Variants in GRID2 observed in about 807,000 individuals in gnomAD.
GRID2 encodes the protein glutamate receptor ionotropic, delta-2.
GRID2 carries 33 observed loss-of-function variants against 114.8 expected under a neutral mutation model. The observed-to-expected ratio is 0.29, with a 90% CI of 0.22 to 0.38. GRID2 has a LOEUF of 0.38. Among genes scored for constraint, GRID2 ranks in the 10% least tolerant of loss-of-function variants. GRID2 has a pLI of 1.00. For synonymous variants in GRID2, 505 were observed against 449.9 expected (o/e 1.12, Z -1.55); for missense variants, 1,184 against 1,257.7 (o/e 0.94, Z 0.89).
intron 1 of GRID2, among the ~76,000 whole-genome samples, chr4:92,327,012 C>G (rs1215367291): frequency 6.6e-6 from 1 of 151,986 alleles, no homozygotes; most frequent in East Asian, 1.9e-4. Context: ...CCACACATTT[C>G]TACTACATTG....
At chr4:93,360,209 C>T (rs1330759341) in intron 8 of GRID2, among the ~76,000 whole-genome samples, 2 of 151,746 alleles carry the variant, frequency 1.3e-5, no homozygotes, top group East Asian at 1.9e-4. Flanking sequence ...TAAAAGAATC[C>T]GTTCTTGGAT....
At chr4:93,289,394 T>C (rs183148472) in intron 8 of GRID2, among the ~76,000 whole-genome samples, 1 of 152,274 alleles carries the variant, frequency 6.6e-6, no homozygotes, top group Admixed American at 6.5e-5. Context: ...ATAAAGCTGT[T>C]TATTGGAATG....
At chr4:92,582,507 A>G (rs1728229603) in intron 1 of GRID2, among the ~76,000 whole-genome samples, 1 of 151,966 alleles carries the variant, frequency 6.6e-6, no homozygotes, top group Admixed American at 6.6e-5. Context: ...TCAACTTCTG[A>G]TATAGTATAA....
intron 13 of GRID2, among the ~76,000 whole-genome samples, chr4:93,559,231 C>T (rs1241768972): frequency 6.6e-6 from 1 of 152,096 alleles, no homozygotes; most frequent in African/African-American, 2.4e-5. Context: ...CCAAAATTGA[C>T]AAATATGATC....
chr4:92,316,936 A>T (rs1043694767), intron 1 of GRID2, among the ~76,000 whole-genome samples: 3 of 152,176 alleles, frequency 2.0e-5, no homozygotes, highest in Non-Finnish European at 4.4e-5. Flanking sequence ...CTAAGGAAGA[A>T]TTTTTTATTA....
chr4:93,151,104 A>G (rs1252675823), intron 4 of GRID2, among the ~76,000 whole-genome samples: 1 of 144,786 alleles, frequency 6.9e-6, no homozygotes, highest in Non-Finnish European at 1.5e-5. Context: ...AGCCTAGGTG[A>G]CAGAGTAAGA....
intron 9 of GRID2, among the ~76,000 whole-genome samples, chr4:93,398,778 T>C (rs1457818015): frequency 2.0e-5 from 3 of 150,356 alleles, no homozygotes; most frequent in Non-Finnish European, 4.4e-5. Context: ...AAGTCTTCTA[T>C]GATGGACTTA....
At chr4:92,944,489 A>C (rs1171756686) in intron 2 of GRID2, among the ~76,000 whole-genome samples, 1 of 152,190 alleles carries the variant, frequency 6.6e-6, no homozygotes, top group Non-Finnish European at 1.5e-5. Flanking sequence ...TTCTTTGACT[A>C]GGAAAGGGAA....
intron 2 of GRID2, among the ~76,000 whole-genome samples, chr4:92,960,298 G>A (rs1275760052): frequency 1.3e-5 from 2 of 152,010 alleles, no homozygotes; most frequent in Non-Finnish European, 2.9e-5. Context: ...GTGCTGTAGA[G>A]TTCAAATATA....
chr4:92,718,432 A>G (rs1735648280), intron 2 of GRID2, among the ~76,000 whole-genome samples: 1 of 152,044 alleles, frequency 6.6e-6, no homozygotes, highest in Non-Finnish European at 1.5e-5. Context: ...AATATAGTTT[A>G]TTTATAGATG....
chr4:93,051,172 C>G lies in GRID2; in HGVS notation c.245-33823C>G, dbSNP rs540316823. Among the ~76,000 whole-genome samples, 9 of 152,120 alleles carry G rather than the reference C, an allele frequency of 5.9e-5. No homozygotes were observed. The South Asian group carries it at 1.4e-3, about 24-fold the overall frequency. On this transcript the variant is annotated intron_variant, in intron 2 of 15. Transcript: ENST00000282020. ...TGATCGGAGCCCAAAATTATTAAAA[C>G]TCATTAATAGGCACATATAAAAATA... is the stretch of plus-strand genomic sequence containing the variant.
chr4:93,605,493 A>G (rs527265767), intron 13 of GRID2, among the ~76,000 whole-genome samples: 1 of 152,340 alleles, frequency 6.6e-6, no homozygotes, highest in African/African-American at 2.4e-5. Context: ...TAGTCTATAT[A>G]TAGTAGAAAT....
chr4:93,138,517 T>C (rs1735476943), intron 4 of GRID2, among the ~76,000 whole-genome samples: 1 of 152,192 alleles, frequency 6.6e-6, no homozygotes, highest in South Asian at 2.1e-4. Context: ...CCTAATCTAA[T>C]TGCTACCCTG....
At chr4:93,263,236 A>C (rs1281750218) in intron 8 of GRID2, among the ~76,000 whole-genome samples, 1 of 151,618 alleles carries the variant, frequency 6.6e-6, no homozygotes, top group Non-Finnish European at 1.5e-5. Context: ...TTTACTTTTT[A>C]GATTTATTTT....
intron 2 of GRID2, among the ~76,000 whole-genome samples, chr4:92,817,516 T>C (rs1284250055): frequency 6.6e-6 from 1 of 152,140 alleles, no homozygotes; most frequent in Non-Finnish European, 1.5e-5. Context: ...CCATATCTCC[T>C]CATAAATATC....
At chr4:93,753,167 G>C (rs1213538368) in intron 14 of GRID2, among the ~76,000 whole-genome samples, 1 of 152,138 alleles carries the variant, frequency 6.6e-6, no homozygotes, top group Non-Finnish European at 1.5e-5. Flanking sequence ...AGAGCTAAAA[G>C]AAAGTGGAAT....
chr4:93,554,876 C>T (rs551959497), intron 13 of GRID2, among the ~76,000 whole-genome samples: 11 of 152,232 alleles, frequency 7.2e-5, no homozygotes, highest in South Asian at 4.1e-4. Flanking sequence ...ATGCAGAAGG[C>T]GGGTGACTTC....
chr4:93,697,865 G>GTATATATATATATATATATATA lies in GRID2; in HGVS notation c.2361-71344_2361-71343insATATATATATATATATATATAT, dbSNP rs574552355. On this transcript the variant is annotated intron_variant, in intron 14 of 15. Transcript: ENST00000282020. ...TGGCTCAATTTAGTCATTCCACAAT[G>GTATATATATATATATATATATA]TGTGTATATATATATTTCAAAACAA... Among the ~76,000 whole-genome samples the GTATATATATATATATATATATA allele has an allele frequency of 7.5e-3, 560 of 74,816 alleles. 13 individuals carry two copies. The highest frequency in any genetic ancestry group is 0.02 in the African/African-American group (546 of 27,654). 49.1% of individuals were successfully genotyped at this position (74,816 alleles called of 152,430 possible). A position where few individuals can be genotyped will look rare whatever the true frequency, so the allele number is the denominator to read the frequency against.
chr4:92,849,009 C>A (rs1578302076), intron 2 of GRID2, among the ~76,000 whole-genome samples: 1 of 151,908 alleles, frequency 6.6e-6, no homozygotes, highest in Non-Finnish European at 1.5e-5. Flanking sequence ...ATCTAAGCCA[C>A]TCAGTGTGTA....
Sources: gnomAD v4.1 joint callset for allele counts (sites outside exome capture counted in the v4.1 genomes callset) on GRCh38, gnomAD v4.1.1 for gene constraint, MANE v1.5 for transcripts, NCBI Gene and HGNC (gene_info 2026-07-23, HGNC 2026-07-21) for gene names.